CSRNP3: variants seen among roughly 807,000 people sequenced by gnomAD.
The protein encoded by CSRNP3 is cysteine/serine-rich nuclear protein 3.
CSRNP3 carries 12 observed loss-of-function variants against 48.0 expected under a neutral mutation model. The ratio of observed to expected loss-of-function variants is 0.25; its 90% CI spans 0.16 to 0.41. The LOEUF (loss-of-function observed/expected upper bound fraction) is 0.41. CSRNP3 is among the 10% of genes least tolerant of loss of function. The probability of loss-of-function intolerance (pLI) is 1.00; values close to 1 mark genes in which losing one functional copy is unlikely to be tolerated. For synonymous variants in CSRNP3, 263 were observed against 269.7 expected (o/e 0.98, Z 0.24); for missense variants, 580 against 724.4 (o/e 0.80, Z 2.29).
intron 2 of CSRNP3, among the ~76,000 whole-genome samples, chr2:165,500,420 T>C (rs566528106): frequency 1.0e-3 from 147 of 142,408 alleles, no homozygotes; most frequent in East Asian, 4.8e-3. Flanking sequence ...CATATATATA[T>C]ACACACACAC....
chr2:165,547,139 A>G (rs1246679442), intron 3 of CSRNP3, among the ~76,000 whole-genome samples: 1 of 152,156 alleles, frequency 6.6e-6, no homozygotes, highest in Non-Finnish European at 1.5e-5. Flanking sequence ...GCTTTGAAAC[A>G]TACTGATGAA....
At chr2:165,603,467 C>G (rs1685951574) in intron 4 of CSRNP3, among the ~76,000 whole-genome samples, 1 of 152,166 alleles carries the variant, frequency 6.6e-6, no homozygotes, top group Non-Finnish European at 1.5e-5. Context: ...TTCTGAAATA[C>G]TCAATTCCAG....
intron 2 of CSRNP3, among the ~76,000 whole-genome samples, chr2:165,504,723 T>C (rs1684401014): frequency 6.6e-6 from 1 of 152,116 alleles, no homozygotes. Flanking sequence ...CCATTAAAAT[T>C]AGTTTTGTAA....
chr2:165,677,897 G>A (rs1480415426), intron 6 of CSRNP3, among the ~76,000 whole-genome samples: 2 of 152,110 alleles, frequency 1.3e-5, no homozygotes, highest in Non-Finnish European at 2.9e-5. Context: ...TCTATCTTCG[G>A]TATCCAATCA....
At chr2:165,655,003 A>C (rs894283872) in intron 4 of CSRNP3, among the ~76,000 whole-genome samples, 3 of 152,196 alleles carry the variant, frequency 2.0e-5, no homozygotes, top group African/African-American at 7.2e-5. Context: ...ATTTGTACTT[A>C]CTGATTAAAC....
intron 4 of CSRNP3, among the ~76,000 whole-genome samples, chr2:165,612,856 C>G (rs938792599): frequency 6.6e-6 from 1 of 151,990 alleles, no homozygotes; most frequent in Non-Finnish European, 1.5e-5. Context: ...ATTCTGTATA[C>G]TGGCTATTGT....
intron 2 of CSRNP3, among the ~76,000 whole-genome samples, chr2:165,500,692 A>G (rs1684347963): frequency 6.6e-6 from 1 of 152,026 alleles, no homozygotes; most frequent in East Asian, 1.9e-4. Context: ...TCCTGACCTC[A>G]GGTAATCCTC....
At chr2:165,583,017 C>T (rs1409485160) in intron 3 of CSRNP3, among the ~76,000 whole-genome samples, 5 of 152,192 alleles carry the variant, frequency 3.3e-5, no homozygotes, top group Non-Finnish European at 5.9e-5. Flanking sequence ...GACACTTGGA[C>T]AAGTGAAGTA....
In CSRNP3 at chr2:165,476,633, T is replaced by C. The variant is rs187134212; in HGVS notation, c.-283+6893T>C. 2.1e-4 allele frequency among the ~76,000 whole-genome samples: 32 copies of C among 152,358 alleles called. No individual in the cohort carries two copies. In the East Asian group the frequency reaches 5.4e-3, roughly 26 times the overall value. On this transcript the variant is annotated intron_variant, in intron 1 of 6. Coordinates refer to ENST00000651982, the MANE Select transcript of CSRNP3 (RefSeq NM_001172173.2). Reference sequence around the variant, plus strand: ...CTGTGACTTTGGCTTATCTATCTATTCTTTAGGTAGTGCAGGATAATCATT... The same window carrying C: ...CTGTGACTTTGGCTTATCTATCTATCCTTTAGGTAGTGCAGGATAATCATT...
chr2:165,667,514 T>G (rs1297899153), intron 5 of CSRNP3, among the ~76,000 whole-genome samples: 2 of 152,176 alleles, frequency 1.3e-5, no homozygotes, highest in Non-Finnish European at 2.9e-5. Flanking sequence ...TTCAAAACTG[T>G]TACACTGCAC....
chr2:165,618,268 C>A (rs1041150812), intron 4 of CSRNP3, among the ~76,000 whole-genome samples: 2 of 152,204 alleles, frequency 1.3e-5, no homozygotes, highest in African/African-American at 4.8e-5. Flanking sequence ...CCAGTCCTGG[C>A]TGGCTGCTTT....
intron 4 of CSRNP3, among the ~76,000 whole-genome samples, chr2:165,650,326 A>G (rs1686883735): frequency 6.6e-6 from 1 of 152,202 alleles, no homozygotes; most frequent in South Asian, 2.1e-4. Flanking sequence ...AATTACTCCT[A>G]TAGTTCTTAG....
At chr2:165,592,896 G>A (rs1291871585) in intron 3 of CSRNP3, among the ~76,000 whole-genome samples, 14 of 148,446 alleles carry the variant, frequency 9.4e-5, no homozygotes, top group African/African-American at 3.5e-4. Context: ...CCACCTCCCG[G>A]GTTCACGCCA....
intron 5 of CSRNP3, among the ~76,000 whole-genome samples, chr2:165,666,932 GAAGA>G (rs767693671): frequency 0.024 from 1,096 of 45,898 alleles, 97 homozygotes; most frequent in East Asian, 0.042. Context: ...AGGAAAGAGA[GAAGA>G]AGAAAGAAAG....
intron 3 of CSRNP3, among the ~76,000 whole-genome samples, chr2:165,544,631 A>G (rs1017998413): frequency 1.6e-4 from 24 of 152,184 alleles, no homozygotes; most frequent in African/African-American, 5.8e-4. Context: ...ACGTAGATCC[A>G]ACAGGATTTG....
At chr2:165,483,302 T>C (rs1029950125) in intron 1 of CSRNP3, among the ~76,000 whole-genome samples, 1 of 152,096 alleles carries the variant, frequency 6.6e-6, no homozygotes, top group Non-Finnish European at 1.5e-5. Flanking sequence ...AAATAACTTA[T>C]ATTTGTGGAA....
chr2:165,553,160 A>G (rs1685119684), intron 3 of CSRNP3, among the ~76,000 whole-genome samples: 2 of 152,100 alleles, frequency 1.3e-5, no homozygotes, highest in Admixed American at 1.3e-4. Context: ...CTCAATCTCA[A>G]GCAGTCATTG....
At chr2:165,545,021 A>T (rs551309789) in intron 3 of CSRNP3, among the ~76,000 whole-genome samples, 2 of 152,302 alleles carry the variant, frequency 1.3e-5, no homozygotes, top group South Asian at 4.1e-4. Context: ...TATGGGCCAC[A>T]AATAAAGAGT....
chr2:165,672,121 G>A (rs1157894657), intron 5 of CSRNP3, among the ~76,000 whole-genome samples: 3 of 152,148 alleles, frequency 2.0e-5, no homozygotes, highest in Non-Finnish European at 4.4e-5. Context: ...TACATCTCTA[G>A]GAAGTTCTGA....
Sources: gnomAD v4.1 joint callset for allele counts (sites outside exome capture counted in the v4.1 genomes callset) on GRCh38, gnomAD v4.1.1 for gene constraint, MANE v1.5 for transcripts, NCBI Gene and HGNC (gene_info 2026-07-23, HGNC 2026-07-21) for gene names.